ACKR2: variants seen among roughly 807,000 people sequenced by gnomAD.
ACKR2 encodes atypical chemokine receptor 2, also known as C-C chemokine receptor D6.
For missense variants in ACKR2, 457 were observed against 477.3 expected (o/e 0.96, Z 0.40); for synonymous variants, 207 against 192.2 (o/e 1.08, Z -0.64).
rs73077284 is a variant in ACKR2 at position 42,850,369 on chromosome 3, A to G, written c.-37-14097A>G. 5.6e-3 allele frequency among the ~76,000 whole-genome samples: 846 copies of G among 152,158 alleles called. 13 individuals carry two copies. Among genetic ancestry groups the G allele is most frequent in the South Asian group, 0.055 (264 of 4,816 alleles). On this transcript the variant is annotated intron_variant, in intron 2 of 2. Transcript: ENST00000422265. The stretch of plus-strand genomic sequence containing the variant: ...GAGGGACTATCTGTACCCCCAATAA[A>G]CTTGCAAAAACCGAGGCCCAGAGAG...
chr3:42,851,095 G>T (rs1559691518), intron 2 of ACKR2: 1 of 152,326 alleles, frequency 6.6e-6, no homozygotes, highest in Non-Finnish European at 1.5e-5. Context: ...CTCTGGGATG[G>T]GCTGTTAGTG....
chr3:42,817,755 C>T (rs1700767460), intron 1 of ACKR2, among the ~76,000 whole-genome samples: 1 of 152,172 alleles, frequency 6.6e-6, no homozygotes, highest in South Asian at 2.1e-4. Context: ...CCATTCTTGT[C>T]ACGCTACTGA....
At chr3:42,864,427 G>A in intron 2 of ACKR2, 39 bp from the exon 3 acceptor site, 2 of 1,513,786 alleles carry the variant, frequency 1.3e-6, no homozygotes, top group South Asian at 2.7e-5. Context: ...TTAGAGAAAG[G>A]TAGAGAATGC....
chr3:42,846,834 A>C (rs542956383), intron 2 of ACKR2, among the ~76,000 whole-genome samples: 3 of 152,312 alleles, frequency 2.0e-5, no homozygotes, highest in Non-Finnish European at 2.9e-5. Flanking sequence ...TGGGCTATGC[A>C]GTGGGGGATG....
chr3:42,813,725 A>C lies in ACKR2; in HGVS notation c.-119+4193A>C, dbSNP rs17074832. 8.3e-3 allele frequency among the ~76,000 whole-genome samples: 1,267 copies of C among 152,332 alleles called. 19 individuals are homozygous for C. Among genetic ancestry groups the C allele is most frequent in the African/African-American group, 0.029 (1,190 of 41,568 alleles). The stretch of plus-strand genomic sequence containing the variant: ...AATTCAAGAGTTTGTAACTTGGTAC[A>C]ATGTGCCTTTATTATTTTCTGCATC... On this transcript the variant is annotated intron_variant, in intron 1 of 2. Transcript: ENST00000422265.
chr3:42,864,344 C>T, intron 2 of ACKR2, 122 bp from the exon 3 acceptor site: 3 of 818,742 alleles, frequency 3.7e-6, no homozygotes, highest in East Asian at 5.5e-5. Context: ...TTTGCTCTTA[C>T]TTGCTGGACT....
chr3:42,865,803 GC>G lies in ACKR2; in HGVS notation c.*150del. ...TCTCAGCCATCAGCAGCATTTGCTC[GC>G]CCCGCCTTCTTCCTCCACTTTCTTC... On this transcript the variant is annotated 3_prime_UTR_variant, in exon 3 of 3. Coordinates refer to ENST00000422265, the MANE Select transcript of ACKR2 (RefSeq NM_001296.5). The G allele has an allele frequency of 1.6e-6, 1 of 623,480 alleles. No homozygotes were observed. Among genetic ancestry groups the G allele is most frequent in the Non-Finnish European group, 2.8e-6 (1 of 361,156 alleles). The allele number at this position is 623,480 out of a possible 1,614,324, so 38.6% of individuals were successfully genotyped here. A position where few individuals can be genotyped will look rare whatever the true frequency, so the allele number is the denominator to read the frequency against.
intron 2 of ACKR2, among the ~76,000 whole-genome samples, chr3:42,828,257 C>T (rs1212761973): frequency 1.3e-5 from 2 of 151,760 alleles, no homozygotes; most frequent in African/African-American, 2.4e-5. Flanking sequence ...TTACAGATGC[C>T]TGCCACCACG....
At chr3:42,810,779 G>C (rs2125600224) in intron 1 of ACKR2, among the ~76,000 whole-genome samples, 1 of 152,348 alleles carries the variant, frequency 6.6e-6, no homozygotes, top group Middle Eastern at 3.4e-3. Context: ...CTGCGCAAAA[G>C]TAAAATTGCT....
intron 2 of ACKR2, among the ~76,000 whole-genome samples, chr3:42,856,741 GC>G (rs2088325443): frequency 6.6e-6 from 1 of 151,694 alleles, no homozygotes; most frequent in Non-Finnish European, 1.5e-5. Context: ...GTGACCATCA[GC>G]AGTCTACAGG....
chr3:42,865,132 C>A lies in ACKR2; in HGVS notation c.630C>A (p.Leu210=), dbSNP rs765855167. Residue 210 remains leucine (L), a synonymous_variant, in exon 3 of 3, where the codon CTC becomes CTA. Transcript: ENST00000422265. The stretch of plus-strand genomic sequence containing the variant: ...ATGGGACCATTTGGAAGCTCTTCCT[C>A]CGCTTCCAGCAGAACCTCCTAGGGT... ...GGHGTIWKLF[L]RFQQNLLGFL... is the part of the protein sequence containing the mutation. 1.2e-6 allele frequency: 2 copies of A among 1,614,032 alleles called. No individual in the cohort carries two copies. Among genetic ancestry groups the A allele is most frequent in the Non-Finnish European group, 1.7e-6 (2 of 1,179,974 alleles).
intron 1 of ACKR2, among the ~76,000 whole-genome samples, chr3:42,815,882 G>T (rs1700743204): frequency 6.6e-6 from 1 of 152,188 alleles, no homozygotes; most frequent in South Asian, 2.1e-4. Flanking sequence ...TCCAGAGGGA[G>T]AAAAGTCACA....
chr3:42,833,675 C>T (rs192995239), intron 2 of ACKR2, among the ~76,000 whole-genome samples: 1 of 151,424 alleles, frequency 6.6e-6, no homozygotes, highest in Admixed American at 6.6e-5. Flanking sequence ...ACACATACTA[C>T]TTAGTGGGAA....
At chr3:42,811,515 G>C (rs1420726684) in intron 1 of ACKR2, among the ~76,000 whole-genome samples, 1 of 152,206 alleles carries the variant, frequency 6.6e-6, no homozygotes, top group African/African-American at 2.4e-5. Flanking sequence ...AAGAAAGCCT[G>C]GGTATTGTCC....
At chr3:42,834,196 G>T (rs933141953) in intron 2 of ACKR2, among the ~76,000 whole-genome samples, 1 of 152,162 alleles carries the variant, frequency 6.6e-6, no homozygotes, top group African/African-American at 2.4e-5. Flanking sequence ...GACCTCAGGT[G>T]ATCCACCTGC....
At chr3:42,815,831 C>T (rs1700742674) in intron 1 of ACKR2, among the ~76,000 whole-genome samples, 1 of 152,190 alleles carries the variant, frequency 6.6e-6, no homozygotes, top group African/African-American at 2.4e-5. Flanking sequence ...CATTCCTCTA[C>T]CCTTTAGGAA....
At chr3:42,841,209 A>G (rs1701034083) in intron 2 of ACKR2, among the ~76,000 whole-genome samples, 1 of 152,248 alleles carries the variant, frequency 6.6e-6, no homozygotes, top group Admixed American at 6.5e-5. Flanking sequence ...GTGTATCTTT[A>G]TTAATGCCTT....
At chr3:42,836,580 T>C (rs996421922) in intron 2 of ACKR2, among the ~76,000 whole-genome samples, 2 of 152,198 alleles carry the variant, frequency 1.3e-5, no homozygotes, top group African/African-American at 4.8e-5. Context: ...TTGACCATTG[T>C]CATGACTCTG....
chr3:42,856,686 A>G (rs749951550), intron 2 of ACKR2, among the ~76,000 whole-genome samples: 7 of 152,030 alleles, frequency 4.6e-5, no homozygotes, highest in African/African-American at 7.2e-5. Context: ...AGTAAAATTC[A>G]GAAGTACGGG....
Sources: gnomAD v4.1 joint callset for allele counts (sites outside exome capture counted in the v4.1 genomes callset) on GRCh38, gnomAD v4.1.1 for gene constraint, MANE v1.5 for transcripts, NCBI Gene and HGNC (gene_info 2026-07-23, HGNC 2026-07-21) for gene names.